Variants in TMEM266 observed in about 807,000 individuals in gnomAD.
TMEM266 encodes the protein Hv1 related protein 1.
In TMEM266, 33 loss-of-function variants were observed where a neutral mutation model predicts 50.5. That is an observed-to-expected ratio of 0.65 (90% CI 0.50 to 0.87). The LOEUF is 0.87. Among genes scored for constraint, TMEM266 ranks in the 40% least tolerant of loss-of-function variants. The pLI, the probability that TMEM266 is intolerant of heterozygous loss-of-function variation, is 0.00. For synonymous variants in TMEM266, 310 were observed against 292.3 expected (o/e 1.06, Z -0.62); for missense variants, 655 against 695.1 (o/e 0.94, Z 0.65).
At chr15:76,167,962 C>T (rs184106024) in intron 5 of TMEM266, among the ~76,000 whole-genome samples, 21 of 152,314 alleles carry the variant, frequency 1.4e-4, no homozygotes, top group African/African-American at 5.1e-4. Flanking sequence ...AGGGCTGGCC[C>T]AGGGTCTGGC....
At chr15:76,090,605 A>C (rs2036835898) in intron 1 of TMEM266, among the ~76,000 whole-genome samples, 1 of 152,098 alleles carries the variant, frequency 6.6e-6, no homozygotes, top group South Asian at 2.1e-4. Flanking sequence ...CCAAGAACCA[A>C]GGGAACTGAG....
intron 8 of TMEM266, among the ~76,000 whole-genome samples, chr15:76,183,844 G>C (rs2038455828): frequency 6.6e-6 from 1 of 152,200 alleles, no homozygotes; most frequent in Non-Finnish European, 1.5e-5. Context: ...GATGTGAGGA[G>C]AGGAAGCTGT....
chr15:76,076,563 C>G (rs1044598946), intron 1 of TMEM266, among the ~76,000 whole-genome samples: 5 of 152,160 alleles, frequency 3.3e-5, no homozygotes, highest in Admixed American at 2.6e-4. Context: ...GAAAATCCCA[C>G]TCAGGAAGAG....
chr15:76,175,832 A>G, intron 8 of TMEM266, 158 bp downstream of exon 8: 1 of 591,002 alleles, frequency 1.7e-6, no homozygotes, highest in Admixed American at 2.9e-5. Context: ...AGAGAAGGGG[A>G]CACATCTCCA....
intron 1 of TMEM266, among the ~76,000 whole-genome samples, chr15:76,062,498 G>A (rs1456554255): frequency 6.6e-6 from 1 of 152,208 alleles, no homozygotes; most frequent in Admixed American, 6.5e-5. Flanking sequence ...GGATCTTTCT[G>A]TCTTGGGGAT....
chr15:76,178,205 T>A (rs1345061159), intron 8 of TMEM266, among the ~76,000 whole-genome samples: 1 of 151,424 alleles, frequency 6.6e-6, no homozygotes, highest in Non-Finnish European at 1.5e-5. Context: ...CAGATGTGAG[T>A]TGTTGATGGA....
At chr15:76,120,461 GA>G (rs375385353) in intron 1 of TMEM266, among the ~76,000 whole-genome samples, 105 of 152,042 alleles carry the variant, frequency 6.9e-4, no homozygotes, top group African/African-American at 2.5e-3. Flanking sequence ...TAAGCACAAA[GA>G]AAAGTAAGGA....
chr15:76,195,182 A>G (rs1483232122), intron 9 of TMEM266, among the ~76,000 whole-genome samples: 1 of 152,140 alleles, frequency 6.6e-6, no homozygotes, highest in Non-Finnish European at 1.5e-5. Flanking sequence ...TGGCAACCTT[A>G]CACCGACTCC....
intron 1 of TMEM266, among the ~76,000 whole-genome samples, chr15:76,073,512 T>C (rs147001695): frequency 0.026 from 3,938 of 152,262 alleles, 176 homozygotes; most frequent in African/African-American, 0.09. Flanking sequence ...GGATTACAGG[T>C]GTGAGCCACC....
chr15:76,091,759 C>T (rs377272685), intron 1 of TMEM266, among the ~76,000 whole-genome samples: 6 of 151,640 alleles, frequency 4.0e-5, no homozygotes, highest in East Asian at 1.9e-4. Flanking sequence ...GAAACTGAGG[C>T]GGGAGGATCA....
chr15:76,086,037 A>C (rs1488621032), intron 1 of TMEM266, among the ~76,000 whole-genome samples: 1 of 150,620 alleles, frequency 6.6e-6, no homozygotes, highest in East Asian at 1.9e-4. Flanking sequence ...GATGAGAGCG[A>C]AACTCCATTT....
At position 76,202,234 on chromosome 15, in the gene TMEM266, A is replaced by G. The variant is rs940684944; in HGVS notation, c.991A>G (p.Ile331Val). 6.2e-7 allele frequency: 1 copy of G among 1,613,966 alleles called. No individual in the cohort carries two copies. Among genetic ancestry groups the G allele is most frequent in the Admixed American group, 1.7e-5 (1 of 60,006 alleles). The stretch of plus-strand genomic sequence containing the variant: ...GATGAAGGACGACATGAACAGCTAC[A>G]TCAGTCAGTATTACAATGGGCCCAG... Residue 331 changes from isoleucine to valine, a missense_variant, in exon 10 of 11, where the codon ATC (isoleucine) becomes GTC (valine). By Grantham distance (29) the Ile-to-Val change is conservative. Around this residue, in one of 3 missense-constraint regions of TMEM266, gnomAD observed 455 missense variants for 401.8 expected, o/e 1.13. Transcript: ENST00000388942.
intron 1 of TMEM266, among the ~76,000 whole-genome samples, chr15:76,089,732 G>A (rs992423109): frequency 2.4e-4 from 36 of 152,172 alleles, no homozygotes; most frequent in African/African-American, 8.4e-4. Context: ...GGAGAGGCAA[G>A]GGCACAGGCG....
chr15:76,195,455 G>A (rs1041183630), intron 9 of TMEM266, among the ~76,000 whole-genome samples: 3 of 152,258 alleles, frequency 2.0e-5, no homozygotes, highest in Non-Finnish European at 2.9e-5. Context: ...CTCTAGGCTT[G>A]TGCTTGTGGA....
chr15:76,197,691 A>C (rs550183290), intron 9 of TMEM266, among the ~76,000 whole-genome samples: 42 of 152,326 alleles, frequency 2.8e-4, no homozygotes, highest in Admixed American at 2.5e-3. Context: ...GGAGTTTAGG[A>C]GCAGGAGCCC....
intron 5 of TMEM266, among the ~76,000 whole-genome samples, chr15:76,166,308 G>A (rs1357085293): frequency 3.9e-5 from 6 of 152,174 alleles, no homozygotes; most frequent in Non-Finnish European, 8.8e-5. Context: ...TGGAGCCACC[G>A]CTTCCCCATC....
At chr15:76,133,153 G>C (rs1424614166) in intron 1 of TMEM266, among the ~76,000 whole-genome samples, 1 of 146,734 alleles carries the variant, frequency 6.8e-6, no homozygotes, top group Non-Finnish European at 1.5e-5. Flanking sequence ...AATAAATCAG[G>C]CCGGGCGCGG....
At chr15:76,159,157 G>C (rs1310920494) in intron 4 of TMEM266, among the ~76,000 whole-genome samples, 1 of 152,164 alleles carries the variant, frequency 6.6e-6, no homozygotes, top group African/African-American at 2.4e-5. Context: ...TATCCCACCA[G>C]TATTTCTTTT....
intron 1 of TMEM266, among the ~76,000 whole-genome samples, chr15:76,063,338 T>G (rs1377602084): frequency 6.6e-6 from 1 of 152,224 alleles, no homozygotes. Context: ...GCTCAAACTC[T>G]GGGCTCATTG....
Sources: gnomAD v4.1 joint callset for allele counts (sites outside exome capture counted in the v4.1 genomes callset) on GRCh38, gnomAD v4.1.1 for gene constraint, gnomAD v4.1.1 regional missense constraint, MANE v1.5 for transcripts, NCBI Gene and HGNC (gene_info 2026-07-23, HGNC 2026-07-21) for gene names.